The following ZNF385D variants were observed in gnomAD, a reference collection of about 807,000 sequenced individuals.
ZNF385D encodes zinc finger protein 659.
ZNF385D carries 15 observed loss-of-function variants against 35.8 expected under a neutral mutation model. The observed-to-expected ratio is 0.42, with a 90% CI of 0.28 to 0.64. ZNF385D has a LOEUF of 0.64. Among genes scored for constraint, ZNF385D ranks in the 30% least tolerant of loss-of-function variants. ZNF385D has a pLI of 0.23. For synonymous variants in ZNF385D, 212 were observed against 186.8 expected, an observed-to-expected ratio of 1.13 and a Z score of -1.10; for missense variants, 474 against 494.6, an observed-to-expected ratio of 0.96 and a Z score of 0.39.
intron 3 of ZNF385D, among the ~76,000 whole-genome samples, chr3:22,048,065 T>G (rs1699115115): frequency 6.6e-6 from 1 of 152,160 alleles, no homozygotes; most frequent in African/African-American, 2.4e-5. Flanking sequence ...ATCCATTCAT[T>G]TTTTTCATTT....
At chr3:22,368,128 T>C (rs1461814445) in intron 2 of ZNF385D, among the ~76,000 whole-genome samples, 1 of 152,206 alleles carries the variant, frequency 6.6e-6, no homozygotes, top group Non-Finnish European at 1.5e-5. Context: ...TCCCTATGTG[T>C]TGCAAATAAG....
chr3:21,636,382 A>ATT, intron 2 of ZNF385D, among the ~76,000 whole-genome samples: 1 of 25,152 alleles, frequency 4.0e-5, no homozygotes, highest in Non-Finnish European at 8.2e-5. Flanking sequence ...ATATGATTAT[A>ATT]TATATATATA....
intron 3 of ZNF385D, among the ~76,000 whole-genome samples, chr3:21,962,463 A>G (rs1202775293): frequency 2.0e-5 from 3 of 152,226 alleles, no homozygotes; most frequent in Non-Finnish European, 4.4e-5. Flanking sequence ...ATCATAGCAG[A>G]GGTGTCAAGC....
chr3:21,531,905 G>A (rs909452830), intron 3 of ZNF385D, among the ~76,000 whole-genome samples: 1 of 152,180 alleles, frequency 6.6e-6, no homozygotes, highest in African/African-American at 2.4e-5. Flanking sequence ...TAATAATGAT[G>A]TGTCAGTGTA....
chr3:21,642,214 A>G (rs1201678691), intron 2 of ZNF385D, among the ~76,000 whole-genome samples: 1 of 152,014 alleles, frequency 6.6e-6, no homozygotes, highest in African/African-American at 2.4e-5. Flanking sequence ...TGCTTCCTCA[A>G]ACTCATCCAA....
chr3:22,285,091 T>A lies in ZNF385D; in HGVS notation c.106+87359A>T, dbSNP rs139948350. ...ATATACAAGTTTAATAGAAAAAAATTGGAATTTTTCAGCATTGATTAGAGG... is the reference window on the plus strand; with the variant it reads ...ATATACAAGTTTAATAGAAAAAAATAGGAATTTTTCAGCATTGATTAGAGG... On this transcript the variant is annotated intron_variant, in intron 2 of 5. Coordinates refer to the ZNF385D transcript ENST00000494108. Among the ~76,000 whole-genome samples, 12 of 152,208 alleles carry A rather than the reference T, an allele frequency of 7.9e-5. No homozygotes were observed. In the East Asian group the frequency reaches 2.3e-3, roughly 30 times the overall value.
chr3:21,540,378 C>A (rs562920860), intron 3 of ZNF385D, among the ~76,000 whole-genome samples: 4 of 152,228 alleles, frequency 2.6e-5, no homozygotes, highest in South Asian at 2.1e-4. Flanking sequence ...AAATGCTTTT[C>A]CCCTCGGGGG....
chr3:22,365,209 C>T lies in ZNF385D; in HGVS notation c.106+7241G>A, dbSNP rs569191193. 4.6e-5 allele frequency among the ~76,000 whole-genome samples: 7 copies of T among 151,778 alleles called. No individual in the cohort carries two copies. The South Asian group carries it at 8.3e-4, about 18-fold the overall frequency. ...CACAACAATATGAATGTACACTGAG[C>T]GGTGCACTTAAAATGATTAAGATGA... On this transcript the variant is annotated intron_variant, in intron 2 of 5. Coordinates refer to the ZNF385D transcript ENST00000494108.
At chr3:21,831,202 C>T (rs190616835) in intron 3 of ZNF385D, among the ~76,000 whole-genome samples, 397 of 152,144 alleles carry the variant, frequency 2.6e-3, no homozygotes, top group Middle Eastern at 0.01. Flanking sequence ...CCTGGAACGT[C>T]CTTTTTCTTA....
At chr3:21,903,147 C>T (rs1699498247) in intron 3 of ZNF385D, among the ~76,000 whole-genome samples, 1 of 152,142 alleles carries the variant, frequency 6.6e-6, no homozygotes, top group African/African-American at 2.4e-5. Context: ...AGAAGATCAA[C>T]TAAATCTCCC....
chr3:22,236,143 T>G (rs1699170553), intron 2 of ZNF385D, among the ~76,000 whole-genome samples: 1 of 152,132 alleles, frequency 6.6e-6, no homozygotes, highest in Non-Finnish European at 1.5e-5. Flanking sequence ...AAGCAATTTT[T>G]GCAAAAATCA....
At chr3:22,075,007 G>T (rs942301807) in intron 3 of ZNF385D, among the ~76,000 whole-genome samples, 3 of 151,862 alleles carry the variant, frequency 2.0e-5, no homozygotes, top group Non-Finnish European at 2.9e-5. Flanking sequence ...ATTTAAGTTA[G>T]TTCAATAGCC....
At chr3:22,135,584 T>C (rs1704054279) in intron 3 of ZNF385D, among the ~76,000 whole-genome samples, 1 of 152,184 alleles carries the variant, frequency 6.6e-6, no homozygotes, top group African/African-American at 2.4e-5. Context: ...AATGCATTCT[T>C]ATCCAAATCC....
chr3:22,152,597 T>C (rs1238352932), intron 3 of ZNF385D, among the ~76,000 whole-genome samples: 2 of 152,124 alleles, frequency 1.3e-5, no homozygotes, highest in Non-Finnish European at 2.9e-5. Flanking sequence ...AAGTGCGTCG[T>C]CACTCTAACC....
intron 3 of ZNF385D, among the ~76,000 whole-genome samples, chr3:21,872,523 G>A (rs908797532): frequency 1.3e-5 from 2 of 152,124 alleles, no homozygotes; most frequent in Admixed American, 1.3e-4. Context: ...GGTGACAGGA[G>A]TTTTAAAATT....
intron 2 of ZNF385D, among the ~76,000 whole-genome samples, chr3:22,248,137 G>A (rs1016016712): frequency 1.8e-4 from 28 of 152,236 alleles, no homozygotes; most frequent in African/African-American, 6.7e-4. Flanking sequence ...TCTGGCATCA[G>A]GCAAATCTCA....
chr3:21,943,888 C>T (rs9849994), intron 3 of ZNF385D, among the ~76,000 whole-genome samples: 80,557 of 151,940 alleles, frequency 0.53, 22,239 homozygotes, highest in South Asian at 0.66. Flanking sequence ...TTACATTTGA[C>T]GACAAGAATT....
intron 5 of ZNF385D, chr3:21,436,694 C>A: frequency 2.8e-6 from 1 of 357,714 alleles, no homozygotes; most frequent in Middle Eastern, 7.6e-4. Context: ...CATATAAATG[C>A]AAAACACATT....
chr3:21,946,660 C>A (rs150974034), intron 3 of ZNF385D, among the ~76,000 whole-genome samples: 1 of 151,904 alleles, frequency 6.6e-6, no homozygotes, highest in Non-Finnish European at 1.5e-5. Flanking sequence ...GGTGAAACTC[C>A]GTCTCTATTA....
Sources: allele counts gnomAD v4.1 joint callset (sites outside exome capture counted in the v4.1 genomes callset), GRCh38; gene constraint gnomAD v4.1.1; transcripts MANE v1.5; gene names NCBI Gene and HGNC (gene_info 2026-07-23, HGNC 2026-07-21).